PALM2AKAP2: variants seen among roughly 807,000 people sequenced by gnomAD.
PALM2AKAP2 encodes PALM2-AKAP2 fusion protein.
Under a neutral mutation model 71.5 loss-of-function variants are expected in PALM2AKAP2, and 37 were observed. The observed-to-expected ratio is 0.52, with a 90% CI of 0.40 to 0.68. The LOEUF is 0.68. PALM2AKAP2 is among the 30% of genes least tolerant of loss of function. PALM2AKAP2 has a pLI of 0.00. For synonymous variants in PALM2AKAP2, 468 were observed against 478.8 expected, an observed-to-expected ratio of 0.98 and a Z score of 0.29; for missense variants, 1,224 against 1,191.8, an observed-to-expected ratio of 1.03 and a Z score of -0.40.
intron 6 of PALM2AKAP2, among the ~76,000 whole-genome samples, chr9:109,954,079 T>A (rs1160426198): frequency 6.6e-6 from 1 of 152,154 alleles, no homozygotes; most frequent in African/African-American, 2.4e-5. Flanking sequence ...TTTGTTTTCT[T>A]ATCTGTTCAT....
Position 109,939,430 on chromosome 9 carries a change from A to G in PALM2AKAP2, c.496+7402A>G, listed in dbSNP as rs565126588. Among the ~76,000 whole-genome samples, 14 of 152,352 alleles carry G rather than the reference A, an allele frequency of 9.2e-5. No individual in the cohort carries two copies. The East Asian group carries it at 9.6e-4, about 10-fold the overall frequency. ...TGTTAATAATTTGTATTTTTATCCT[A>G]TCACATATGGATATAAAAATAGAAA... On this transcript the variant is annotated intron_variant, in intron 6 of 9. Coordinates refer to the PALM2AKAP2 transcript ENST00000302798.
intron 1 of PALM2AKAP2, among the ~76,000 whole-genome samples, chr9:109,669,907 T>C (rs1827549787): frequency 6.6e-6 from 1 of 151,940 alleles, no homozygotes; most frequent in Non-Finnish European, 1.5e-5. Flanking sequence ...TTATCTTTCA[T>C]TTTCATTCTT....
chr9:110,100,079 A>ATATATATATATATATG (rs897991382), intron 1 of PALM2AKAP2, among the ~76,000 whole-genome samples: 2 of 145,768 alleles, frequency 1.4e-5, no homozygotes, highest in African/African-American at 5.0e-5. Context: ...ATATATATAT[A>ATATATATATATATATG]TAGAAACATA....
chr9:110,119,624 T>C (rs1434090719), intron 1 of PALM2AKAP2, among the ~76,000 whole-genome samples: 2 of 152,146 alleles, frequency 1.3e-5, no homozygotes, highest in South Asian at 4.1e-4. Flanking sequence ...ATAACTAATA[T>C]ATAGGTGGAA....
intron 3 of PALM2AKAP2, among the ~76,000 whole-genome samples, chr9:109,901,385 T>C (rs767286209): frequency 2.6e-5 from 4 of 152,162 alleles, no homozygotes; most frequent in Admixed American, 6.5e-5. Flanking sequence ...GGAACGGACA[T>C]GAGTGTGGAA....
At chr9:109,867,508 G>A (rs372659479) in exon 2 of PALM2AKAP2, 1 of 1,612,630 alleles carries the variant, frequency 6.2e-7, no homozygotes, top group Non-Finnish European at 8.5e-7. Flanking sequence ...GAAAGAGGCA[G>A]ACTGAAATAG....
Position 110,025,197 on chromosome 9 carries a change from G to A in PALM2AKAP2, c.582+9158G>A, listed in dbSNP as rs1177763193. The A allele has an allele frequency of 6.0e-6, 8 of 1,334,426 alleles. No individual in the cohort carries two copies. The Admixed American group carries it at 1.0e-4, about 17-fold the overall frequency. 82.7% of individuals were successfully genotyped at this position (1,334,426 alleles called of 1,614,324 possible). On this transcript the variant is annotated intron_variant, in intron 7 of 9. Transcript: ENST00000302798. ...TTCCAGTTTTGCCATGGTAACACTT[G>A]TGGGGCATTCCTTTTTGAACAGTAC...
Position 110,157,020 on chromosome 9 carries a change from A to G in PALM2AKAP2, c.2748+523A>G, listed in dbSNP as rs550854484. 4.3e-4 allele frequency among the ~76,000 whole-genome samples: 66 copies of G among 152,342 alleles called. No homozygotes were observed. The Middle Eastern group carries it at 0.017, about 39-fold the overall frequency. ...GTGCATAGCTTGAAAGCAAAGAGCC[A>G]GTGAAAATGACAGTTGAAAACCACA... On this transcript the variant is annotated intron_variant, in intron 3 of 3. Coordinates refer to ENST00000374525, the Ensembl canonical transcript of PALM2AKAP2.
chr9:109,866,058 G>A (rs1284093237), intron 1 of PALM2AKAP2, among the ~76,000 whole-genome samples: 1 of 152,192 alleles, frequency 6.6e-6, no homozygotes, highest in African/African-American at 2.4e-5. Context: ...CTTTGTCAGG[G>A]AGATTATATC....
At position 109,843,684 on chromosome 9, in the gene PALM2AKAP2, A is replaced by G. The variant is rs190795565; in HGVS notation, c.46-23807A>G. Among the ~76,000 whole-genome samples, 98 of 152,320 alleles carry G rather than the reference A, an allele frequency of 6.4e-4. 1 individual carries two copies. Among genetic ancestry groups the G allele is most frequent in the African/African-American group, 2.2e-3 (92 of 41,572 alleles). ...CTCTTTCTCCCTGGAAATAAAGTCG[A>G]TAGTGTGTGTGTGGACCTTGCTTAT... On this transcript the variant is annotated intron_variant, in intron 1 of 9. Transcript: ENST00000302798.
chr9:110,117,095 GTTTGTTTTTGT>G (rs995357154), intron 1 of PALM2AKAP2, among the ~76,000 whole-genome samples: 33 of 152,008 alleles, frequency 2.2e-4, no homozygotes, highest in African/African-American at 7.5e-4. Context: ...ATGCATCTTT[GTTTGTTTTTGT>G]TTTGTTTTTG....
At chr9:109,810,285 A>G (rs1045386620) in intron 1 of PALM2AKAP2, among the ~76,000 whole-genome samples, 1 of 152,182 alleles carries the variant, frequency 6.6e-6, no homozygotes, top group Non-Finnish European at 1.5e-5. Context: ...AGGTAGGTAG[A>G]GAAGAGGTCT....
chr9:109,756,162 C>A (rs1005726810), intron 1 of PALM2AKAP2, among the ~76,000 whole-genome samples: 1 of 152,156 alleles, frequency 6.6e-6, no homozygotes, highest in African/African-American at 2.4e-5. Flanking sequence ...CATACAGATA[C>A]CAACAGTATG....
At chr9:109,852,508 A>C (rs577561596) in intron 1 of PALM2AKAP2, among the ~76,000 whole-genome samples, 2 of 152,342 alleles carry the variant, frequency 1.3e-5, no homozygotes, top group Admixed American at 6.5e-5. Flanking sequence ...ATACGAGTAC[A>C]TGCCCTTTTG....
intron 1 of PALM2AKAP2, among the ~76,000 whole-genome samples, chr9:109,764,307 C>T (rs1264112475): frequency 2.0e-5 from 3 of 151,496 alleles, no homozygotes; most frequent in Non-Finnish European, 4.4e-5. Context: ...CCATCTCCCA[C>T]CCCCCTCCAT....
At chr9:109,773,783 G>A (rs1032046280) in intron 1 of PALM2AKAP2, among the ~76,000 whole-genome samples, 1 of 152,154 alleles carries the variant, frequency 6.6e-6, no homozygotes, top group South Asian at 2.1e-4. Flanking sequence ...GAGCTGCTTT[G>A]GGGAAAGGCA....
intron 6 of PALM2AKAP2, among the ~76,000 whole-genome samples, chr9:109,966,005 A>T (rs971923760): frequency 3.3e-5 from 5 of 152,194 alleles, no homozygotes; most frequent in Non-Finnish European, 7.3e-5. Flanking sequence ...GTGTGTGGTG[A>T]TGGGGACCCG....
At chr9:110,063,479 A>T (rs1160145718) in intron 1 of PALM2AKAP2, among the ~76,000 whole-genome samples, 1 of 147,144 alleles carries the variant, frequency 6.8e-6, no homozygotes. Context: ...CACTCTTGTC[A>T]CCCAGGCTGG....
At chr9:109,881,738 G>T (rs575066262) in intron 3 of PALM2AKAP2, among the ~76,000 whole-genome samples, 1 of 152,232 alleles carries the variant, frequency 6.6e-6, no homozygotes, top group East Asian at 1.9e-4. Flanking sequence ...CACCTAGCCA[G>T]AGAGATATGA....
Sources: gnomAD v4.1 joint callset for allele counts (sites outside exome capture counted in the v4.1 genomes callset) on GRCh38, gnomAD v4.1.1 for gene constraint, MANE v1.5 for transcripts, NCBI Gene and HGNC (gene_info 2026-07-23, HGNC 2026-07-21) for gene names.